Variants in ZNF497 observed in about 807,000 individuals in gnomAD.
ZNF497 encodes zinc finger-like protein.
For synonymous variants in ZNF497, 422 were observed against 313.7 expected (o/e 1.35, Z -3.65); for missense variants, 930 against 714.0 (o/e 1.30, Z -3.45).
In ZNF497 at chr19:58,356,831, C is replaced by G; in HGVS notation, c.805G>C (p.Ala269Pro). 1 of 1,566,034 alleles carries G rather than the reference C, an allele frequency of 6.4e-7. No individual in the cohort carries two copies. The highest frequency in any genetic ancestry group is 8.6e-7 in the Non-Finnish European group (1 of 1,162,996). Reference protein sequence around the residue: ...SNLAEHLKIHAGARPHACPDC... With the variant: ...SNLAEHLKIHPGARPHACPDC... ...GGACAGGCGTGTGGCCGTGCGCCCG[C>G]GTGGATCTTCAGGTGCTCGGCCAGG... Residue 269 changes from alanine to proline, a missense_variant, in exon 3 of 3, where the codon GCG becomes CCG. Ala to Pro is a conservative substitution (Grantham distance 27, BLOSUM62 -1). Transcript: ENST00000311044.
Position 58,356,879 on chromosome 19 carries a change from T to G in ZNF497, c.757A>C (p.Lys253Gln). The stretch of plus-strand genomic sequence containing the variant: ...AGGTTGGAGCTCTGGCTGAAGGCCT[T>G]GCCACAGTCCCGGCAGGCGTGCGGC... ...ARPHACRDCG[K>Q]AFSQSSNLAE... Residue 253 changes from lysine to glutamine, a missense_variant, in exon 3 of 3, where the codon AAG becomes CAG. Lys to Gln is a moderately conservative substitution (Grantham distance 53). Coordinates refer to ENST00000311044, the MANE Select transcript of ZNF497 (RefSeq NM_198458.3). The G allele has an allele frequency of 1.9e-6, 3 of 1,593,540 alleles. No homozygotes were observed. The highest frequency in any genetic ancestry group is 2.6e-6 in the Non-Finnish European group (3 of 1,174,726).
At chr19:58,358,865 G>A (rs935636066) in intron 1 of ZNF497, 2 of 456,972 alleles carry the variant, frequency 4.4e-6, no homozygotes, top group Non-Finnish European at 8.8e-6. Context: ...TCGTGAGCAG[G>A]GGAAGCACAC....
Position 58,356,426 on chromosome 19 carries a change from G to C in ZNF497, c.1210C>G (p.His404Asp). 1 of 1,562,826 alleles carries C rather than the reference G, an allele frequency of 6.4e-7. No individual in the cohort carries two copies. The highest frequency in any genetic ancestry group is 8.6e-7 in the Non-Finnish European group (1 of 1,159,292). ...AFRGSSGLAH[H>D]RLSHTGERPF... Reference sequence around the variant, plus strand: ...CGCTCTCCCGTGTGCGAAAGCCGGTGGTGCGCCAGGCCGGAACTGCCGCGG... The same window carrying C: ...CGCTCTCCCGTGTGCGAAAGCCGGTCGTGCGCCAGGCCGGAACTGCCGCGG... Residue 404 changes from histidine (H) to aspartate (D), a missense_variant, in exon 3 of 3, where the codon CAC becomes GAC. Physicochemically the swap from His to Asp is moderately conservative, Grantham distance 81. Transcript: ENST00000311044.
At position 58,357,423 on chromosome 19, in the gene ZNF497, G is replaced by GCCGGGGCCTCCCTGTTCGT; in HGVS notation, c.194_212dup (p.Glu73ThrfsTer261). On this transcript the variant is annotated frameshift_variant, in exon 3 of 3. Coordinates refer to ENST00000311044, the MANE Select transcript of ZNF497 (RefSeq NM_198458.3). Reference sequence around the variant, plus strand: ...CACCGTCTGCGGGGCCCAGCTCCCTGCCGGGGCCTCCCTGTTCGTCCGCCG... The same window carrying GCCGGGGCCTCCCTGTTCGT: ...CACCGTCTGCGGGGCCCAGCTCCCTGCCGGGGCCTCCCTGTTCGTCCGGGGCCTCCCTGTTCGTCCGCCG... 6.2e-7 allele frequency: 1 copy of GCCGGGGCCTCCCTGTTCGT among 1,600,566 alleles called. No individual in the cohort carries two copies. Among genetic ancestry groups the GCCGGGGCCTCCCTGTTCGT allele is most frequent in the Non-Finnish European group, 8.5e-7 (1 of 1,174,000 alleles).
In ZNF497 at chr19:58,357,300, G is replaced by A; in HGVS notation, c.336C>T (p.Gly112=). 1 of 1,610,714 alleles carries A rather than the reference G, an allele frequency of 6.2e-7. No individual in the cohort carries two copies. The change falls in exon 3 of 3, where the codon GGC becomes GGT. Residue 112 remains glycine (G), a synonymous_variant. Transcript: ENST00000311044. ...EEPGCRCGEC[G]KAFSQGSYLL... The stretch of plus-strand genomic sequence containing the variant: ...AGTAAGAGCCCTGGCTGAACGCCTT[G>A]CCGCACTCCCCGCACCGGCAGCCCG...
At chr19:58,359,971 CAA>C (rs36026323) in intron 1 of ZNF497, among the ~76,000 whole-genome samples, 195 of 135,986 alleles carry the variant, frequency 1.4e-3, no homozygotes, top group Middle Eastern at 0.011. Flanking sequence ...GACTCTGTCT[CAA>C]AAAAAAAAAA....
At chr19:58,358,102 C>G in intron 2 of ZNF497, 1 of 1,260,640 alleles carries the variant, frequency 7.9e-7, no homozygotes, top group Non-Finnish European at 1.0e-6. Flanking sequence ...GACCCAAACA[C>G]AGCTATGTCT....
chr19:58,359,177 T>C, intron 1 of ZNF497: 1 of 1,290,958 alleles, frequency 7.7e-7, no homozygotes, highest in Non-Finnish European at 1.0e-6. Context: ...GCCAGGGCTC[T>C]TGGAGCTGGG....
intron 1 of ZNF497, among the ~76,000 whole-genome samples, chr19:58,361,479 C>G (rs2052093229): frequency 6.6e-6 from 1 of 152,178 alleles, no homozygotes; most frequent in Admixed American, 6.6e-5. Context: ...GCCTGAGACT[C>G]CCGAGTAGCT....
rs1268323226 is a variant in ZNF497 at position 58,356,169 on chromosome 19, C to T, written c.1467G>A (p.Gln489=). 4 of 1,579,568 alleles carry T rather than the reference C, an allele frequency of 2.5e-6. No individual in the cohort carries two copies. Among genetic ancestry groups the T allele is most frequent in the South Asian group, 1.1e-5 (1 of 87,790 alleles). ...GCGCAGCGCGGCCCCCGTGCCGCTTCTGGTGCTCGTTGAGGTTGCAACGGT... is the reference window on the plus strand; with the variant it reads ...GCGCAGCGCGGCCCCCGTGCCGCTTTTGGTGCTCGTTGAGGTTGCAACGGT... ...FSHRCNLNEH[Q]KRHGGRAAP is the part of the protein sequence containing the mutation. Residue 489 remains glutamine (Q), a synonymous_variant, in exon 3 of 3, where the codon CAG becomes CAA. Transcript: ENST00000311044.
At position 58,357,355 on chromosome 19, in the gene ZNF497, G is replaced by A. The variant is rs1457770370; in HGVS notation, c.281C>T (p.Ala94Val). ...AGPRSEPADR[A>V]LRPSPLPEEP... The stretch of plus-strand genomic sequence containing the variant: ...CTCTGGGAGAGGCGAAGGGCGCAAC[G>A]CCCGGTCTGCAGGCTCGCTCCTGGG... Residue 94 changes from alanine (A) to valine (V), a missense_variant, in exon 3 of 3, where the codon GCG (alanine) becomes GTG (valine). By Grantham distance (64) the Ala-to-Val change is moderately conservative (BLOSUM62 0). Transcript: ENST00000311044. 1.3e-6 allele frequency: 2 copies of A among 1,594,768 alleles called. 1 individual carries two copies. Among genetic ancestry groups the A allele is most frequent in the South Asian group, 2.2e-5 (2 of 89,170 alleles).
chr19:58,358,671 C>T (rs907065440), intron 1 of ZNF497, 86 bp from the exon 2 acceptor site: 6 of 585,282 alleles, frequency 1.0e-5, no homozygotes, highest in Non-Finnish European at 1.7e-5. Flanking sequence ...GCATGACCCA[C>T]CCTTCTCTGC....
At position 58,356,582 on chromosome 19, in the gene ZNF497, G is replaced by A; in HGVS notation, c.1054C>T (p.His352Tyr). Residue 352 changes from histidine to tyrosine, a missense_variant, in exon 3 of 3, where the codon CAC becomes TAC. His to Tyr is a moderately conservative substitution (Grantham distance 83). Transcript: ENST00000311044. ...GSYLAEHRRV[H>Y]TGEKPHACAQ... ...CACGCATGAGGCTTCTCGCCCGTGTGCACGCGCCGGTGCTCCGCCAGGTAG... is the reference window on the plus strand; with the variant it reads ...CACGCATGAGGCTTCTCGCCCGTGTACACGCGCCGGTGCTCCGCCAGGTAG... The A allele has an allele frequency of 6.5e-7, 1 of 1,547,486 alleles. No individual in the cohort carries two copies.
Position 58,355,496 on chromosome 19 carries a change from G to C in ZNF497, c.*643C>G, listed in dbSNP as rs1284754562. 6.6e-6 allele frequency: 1 copy of C among 152,374 alleles called. No homozygotes were observed. Among genetic ancestry groups the C allele is most frequent in the African/African-American group, 2.4e-5 (1 of 41,416 alleles). 9.4% of individuals were successfully genotyped at this position (152,374 alleles called of 1,614,324 possible). ...ACTGCACTCCAGCCTGGGTGACAGA[G>C]TGAAACCCTGCCCCCTCCCCCAAAA... On this transcript the variant is annotated 3_prime_UTR_variant, in exon 3 of 3. Coordinates refer to ENST00000311044, the MANE Select transcript of ZNF497 (RefSeq NM_198458.3).
chr19:58,356,637 G>GT lies in ZNF497; in HGVS notation c.998_999insA (p.Glu334ArgfsTer274). 6.5e-7 allele frequency: 1 copy of GT among 1,527,548 alleles called. No individual in the cohort carries two copies. The highest frequency in any genetic ancestry group is 8.8e-7 in the Non-Finnish European group (1 of 1,142,822). 94.6% of individuals were successfully genotyped at this position (1,527,548 alleles called of 1,614,324 possible). A position where few individuals can be genotyped will look rare whatever the true frequency, so the allele number is the denominator to read the frequency against. ...CCATGACGAAAGCCTGGCCGCACTC[G>GT]GCGCACTCGAAGGGCCGCTCACCAG... On this transcript the variant is annotated frameshift_variant, in exon 3 of 3. Coordinates refer to ENST00000311044, the MANE Select transcript of ZNF497 (RefSeq NM_198458.3).
At chr19:58,358,462 G>C in intron 2 of ZNF497, 27 bp downstream of exon 2, 2 of 1,150,208 alleles carry the variant, frequency 1.7e-6, no homozygotes. Context: ...AGGCAGGGCA[G>C]GGACAAGTGT....
chr19:58,360,931 G>A (rs933383339), intron 1 of ZNF497, among the ~76,000 whole-genome samples: 1 of 151,792 alleles, frequency 6.6e-6, no homozygotes, highest in Non-Finnish European at 1.5e-5. Context: ...ACAGGCGCCT[G>A]CCACCATGCC....
At position 58,354,852 on chromosome 19, in the gene ZNF497, G is replaced by T. The variant is rs922489586; in HGVS notation, c.*1287C>A. On this transcript the variant is annotated 3_prime_UTR_variant, in exon 3 of 3. Coordinates refer to ENST00000311044, the MANE Select transcript of ZNF497 (RefSeq NM_198458.3). ...GAGCTCAGGGTGTGCACAGAACTCAGAAGTCAGACCACTGAACAGTGACAG... is the reference window on the plus strand; with the variant it reads ...GAGCTCAGGGTGTGCACAGAACTCATAAGTCAGACCACTGAACAGTGACAG... The T allele has an allele frequency of 1.3e-5, 2 of 152,410 alleles. No homozygotes were observed. Among genetic ancestry groups the T allele is most frequent in the Admixed American group, 6.5e-5 (1 of 15,290 alleles). 9.4% of individuals were successfully genotyped at this position (152,410 alleles called of 1,614,324 possible). A position where few individuals can be genotyped will look rare whatever the true frequency, so the allele number is the denominator to read the frequency against.
intron 2 of ZNF497, 187 bp from the exon 3 acceptor site, chr19:58,357,836 G>T: frequency 8.0e-7 from 1 of 1,253,794 alleles, no homozygotes; most frequent in Non-Finnish European, 1.1e-6. Flanking sequence ...TCGGGGGATG[G>T]GCCAGCACTC....
Sources: gnomAD v4.1 joint callset for allele counts (sites outside exome capture counted in the v4.1 genomes callset) on GRCh38, gnomAD v4.1.1 for gene constraint, MANE v1.5 for transcripts, NCBI Gene and HGNC (gene_info 2026-07-23, HGNC 2026-07-21) for gene names.